Variants in LNX1 observed in about 807,000 individuals in gnomAD.
LNX1 encodes the protein ligand of numb-protein X 1, also known as E3 ubiquitin-protein ligase LNX.
A neutral mutation model predicts 68.4 loss-of-function variants in LNX1; 54 were observed. The observed-to-expected ratio is 0.79, with a 90% confidence interval of 0.63 to 0.99. The LOEUF is 0.99. Ranked by LOEUF, LNX1 falls within the 50% of genes least tolerant of loss-of-function variation. The pLI, the probability that LNX1 is intolerant of heterozygous loss-of-function variation, is 0.00. For synonymous variants in LNX1, 336 were observed against 350.0 expected, an observed-to-expected ratio of 0.96 and a Z score of 0.45; for missense variants, 906 against 926.4, an observed-to-expected ratio of 0.98 and a Z score of 0.29.
At chr4:53,588,408 A>T (rs1336831238) in intron 1 of LNX1, among the ~76,000 whole-genome samples, 7 of 152,206 alleles carry the variant, frequency 4.6e-5, no homozygotes, top group Admixed American at 4.6e-4. Flanking sequence ...AGCTGATGAG[A>T]GCAGCTTAAA....
intron 2 of LNX1, among the ~76,000 whole-genome samples, chr4:53,538,869 C>T (rs1728558576): frequency 6.6e-6 from 1 of 152,088 alleles, no homozygotes. Context: ...AACTGAAGAC[C>T]CTCAATAGCG....
chr4:53,519,440 T>G lies in LNX1; in HGVS notation c.381-11213A>C, dbSNP rs1727042530. Among the ~76,000 whole-genome samples, 3 of 82,072 alleles carry G rather than the reference T, an allele frequency of 3.7e-5. No homozygotes were observed. The South Asian group carries it at 9.8e-4, about 27-fold the overall frequency. The allele number at this position is 82,072 out of a possible 152,430, so 53.8% of individuals were successfully genotyped here. On this transcript the variant is annotated intron_variant, in intron 2 of 10. Coordinates refer to ENST00000263925, the MANE Select transcript of LNX1 (RefSeq NM_001126328.3). ...TCATTTGTTCAGTTTTGTTCAGTGT[T>G]TTTTTTTTTTTTTTTTAATCACAAG...
intron 9 of LNX1, among the ~76,000 whole-genome samples, chr4:53,467,328 A>C (rs1190049179): frequency 1.3e-5 from 2 of 152,214 alleles, no homozygotes; most frequent in Non-Finnish European, 2.9e-5. Context: ...ATCGACACCA[A>C]AAACCCATCA....
chr4:53,571,136 C>T (rs926128065), intron 2 of LNX1, among the ~76,000 whole-genome samples: 2 of 151,870 alleles, frequency 1.3e-5, no homozygotes, highest in African/African-American at 4.8e-5. Context: ...TCTCATGCCT[C>T]AGCCTCCCAA....
chr4:53,462,424 T>C (rs1722229653), intron 9 of LNX1, among the ~76,000 whole-genome samples: 2 of 152,154 alleles, frequency 1.3e-5, no homozygotes, highest in African/African-American at 4.8e-5. Flanking sequence ...GATGACGTTG[T>C]TGACCACATT....
chr4:53,508,049 AG>A lies in LNX1; in HGVS notation c.558del (p.Ser187ArgfsTer38). The A allele has an allele frequency of 2.5e-6, 4 of 1,614,096 alleles. No homozygotes were observed. Among genetic ancestry groups the A allele is most frequent in the Non-Finnish European group, 3.4e-6 (4 of 1,179,998 alleles). On this transcript the variant is annotated frameshift_variant, in exon 3 of 11. Transcript: ENST00000263925. LOFTEE classifies it high-confidence loss of function. ...EPGLDNPAYV[S>X]SAEDGQPAIS... ...ATTGCTGGCTGCCCGTCCTCTGCCGAGGACACGTAGGCAGGGTTGTCTAGGC... is the reference window on the plus strand; with the variant it reads ...ATTGCTGGCTGCCCGTCCTCTGCCGAGACACGTAGGCAGGGTTGTCTAGGC...
intron 2 of LNX1, among the ~76,000 whole-genome samples, chr4:53,514,419 G>A (rs557562895): frequency 6.6e-6 from 1 of 152,302 alleles, no homozygotes; most frequent in African/African-American, 2.4e-5. Flanking sequence ...CACCTGGCTG[G>A]GGAGGCCTCA....
At chr4:53,589,287 G>A (rs1265936502) in intron 1 of LNX1, among the ~76,000 whole-genome samples, 1 of 152,228 alleles carries the variant, frequency 6.6e-6, no homozygotes. Context: ...TGTGAGGCTA[G>A]CGGAGACAAA....
intron 9 of LNX1, among the ~76,000 whole-genome samples, chr4:53,474,645 G>C (rs2109398892): frequency 6.6e-6 from 1 of 152,318 alleles, no homozygotes; most frequent in East Asian, 1.9e-4. Context: ...TTACTACAGG[G>C]AGAGGATGGA....
intron 2 of LNX1, among the ~76,000 whole-genome samples, chr4:53,560,577 C>T (rs1255921785): frequency 6.6e-6 from 1 of 152,178 alleles, no homozygotes; most frequent in Non-Finnish European, 1.5e-5. Flanking sequence ...TAAGGCATCT[C>T]AGAAGGCTCT....
At chr4:53,509,433 T>C (rs1166646806) in intron 2 of LNX1, among the ~76,000 whole-genome samples, 1 of 152,214 alleles carries the variant, frequency 6.6e-6, no homozygotes, top group African/African-American at 2.4e-5. Flanking sequence ...TGATTTTTAC[T>C]GCCCATAGAA....
chr4:53,462,115 T>G lies in LNX1; in HGVS notation c.1893-522A>C, dbSNP rs372553096. On this transcript the variant is annotated intron_variant, in intron 9 of 10. Coordinates refer to ENST00000263925, the MANE Select transcript of LNX1 (RefSeq NM_001126328.3). ...ACCCAGTGCTACGTTTGATAAGTCA[T>G]AGAGAAGCATGCACGCATAAAGTGA... Among the ~76,000 whole-genome samples, 3 of 152,170 alleles carry G rather than the reference T, an allele frequency of 2.0e-5. No homozygotes were observed. In the East Asian group the frequency reaches 5.8e-4, roughly 29 times the overall value.
intron 2 of LNX1, among the ~76,000 whole-genome samples, chr4:53,512,920 C>T (rs112051361): frequency 6.6e-6 from 1 of 152,104 alleles, no homozygotes; most frequent in Non-Finnish European, 1.5e-5. Flanking sequence ...TCTCCCTGAG[C>T]ACTCGGGTGA....
At chr4:53,479,920 C>T (rs904759521) in intron 7 of LNX1, among the ~76,000 whole-genome samples, 1 of 152,238 alleles carries the variant, frequency 6.6e-6, no homozygotes, top group Non-Finnish European at 1.5e-5. Context: ...TCCATGTGCA[C>T]TTAGTCGCTC....
intron 1 of LNX1, among the ~76,000 whole-genome samples, chr4:53,645,306 G>C (rs1268261664): frequency 6.6e-6 from 1 of 152,130 alleles, no homozygotes; most frequent in African/African-American, 2.4e-5. Flanking sequence ...CCTGGCCTTT[G>C]GTCACCAGCC....
At chr4:53,539,532 A>T (rs2109652348) in intron 2 of LNX1, among the ~76,000 whole-genome samples, 1 of 152,218 alleles carries the variant, frequency 6.6e-6, no homozygotes, top group Non-Finnish European at 1.5e-5. Flanking sequence ...TGCCCAGCTA[A>T]TTTTTTTAGT....
At chr4:53,474,975 C>A (rs2109400057) in intron 9 of LNX1, among the ~76,000 whole-genome samples, 1 of 152,272 alleles carries the variant, frequency 6.6e-6, no homozygotes, top group Middle Eastern at 3.4e-3. Flanking sequence ...GCCATGTTGG[C>A]CAGGCTGGTC....
intron 1 of LNX1, among the ~76,000 whole-genome samples, chr4:53,648,220 A>G (rs1322115406): frequency 2.0e-5 from 3 of 152,226 alleles, no homozygotes; most frequent in South Asian, 2.1e-4. Flanking sequence ...ATTTCCATCA[A>G]CAGTGCACAA....
chr4:53,556,306 G>C (rs998543914), intron 2 of LNX1, among the ~76,000 whole-genome samples: 34 of 152,252 alleles, frequency 2.2e-4, no homozygotes, highest in African/African-American at 8.2e-4. Flanking sequence ...ATGCAAGAAA[G>C]CATTCTCCCC....
Sources: gnomAD v4.1 joint callset for allele counts (sites outside exome capture counted in the v4.1 genomes callset) on GRCh38, gnomAD v4.1.1 for gene constraint, MANE v1.5 for transcripts, NCBI Gene and HGNC (gene_info 2026-07-23, HGNC 2026-07-21) for gene names.